NEK1: variants seen among roughly 807,000 people sequenced by gnomAD.
NEK1 encodes NIMA related kinase 1.
NEK1 carries 137 observed loss-of-function variants against 182.1 expected under a neutral mutation model. The ratio of observed to expected loss-of-function variants is 0.75; its 90% CI spans 0.65 to 0.87. The LOEUF is 0.87. Among genes scored for constraint, NEK1 ranks in the 40% least tolerant of loss-of-function variants. The pLI is 0.00. For synonymous variants in NEK1, 513 were observed against 492.2 expected (o/e 1.04, Z -0.56); for missense variants, 1,391 against 1,494.4 (o/e 0.93, Z 1.14).
chr4:169,572,812 T>C (rs942190622), intron 12 of NEK1, among the ~76,000 whole-genome samples: 1 of 152,106 alleles, frequency 6.6e-6, no homozygotes. Flanking sequence ...AAATGACCCA[T>C]GGATTTAATA....
chr4:169,477,790 A>G (rs754750079), intron 24 of NEK1, among the ~76,000 whole-genome samples: 2 of 151,924 alleles, frequency 1.3e-5, no homozygotes, highest in Non-Finnish European at 2.9e-5. Flanking sequence ...TTTTTTGGTA[A>G]TTTAAGTCAG....
chr4:169,541,193 T>G (rs1446869707), intron 18 of NEK1, among the ~76,000 whole-genome samples: 2 of 152,150 alleles, frequency 1.3e-5, no homozygotes, highest in Non-Finnish European at 2.9e-5. Context: ...TTTATTCATT[T>G]AGCTTCCTCT....
Position 169,585,496 on chromosome 4 carries a change from A to G in NEK1, c.660T>C (p.Phe220=). 6.2e-7 allele frequency: 1 copy of G among 1,613,670 alleles called. No individual in the cohort carries two copies. Among genetic ancestry groups the G allele is most frequent in the South Asian group, 1.1e-5 (1 of 91,054 alleles). Residue 220 remains phenylalanine, a synonymous_variant, in exon 10 of 36, where the codon TTT becomes TTC. Transcript: ENST00000507142. ...NLVLKIISGS[F]PPVSLHYSYD... ...AGGAATAATGCAAAGACACAGGTGG[A>G]AAAGATCCAGATATTATCTTCAGTA...
intron 23 of NEK1, among the ~76,000 whole-genome samples, chr4:169,486,247 T>C (rs1207338672): frequency 1.3e-5 from 2 of 152,194 alleles, no homozygotes; most frequent in African/African-American, 4.8e-5. Context: ...ATTGCTTTTA[T>C]TGTCACAAAA....
chr4:169,501,544 TA>T (rs1752425557), intron 23 of NEK1, among the ~76,000 whole-genome samples: 3 of 151,544 alleles, frequency 2.0e-5, no homozygotes, highest in Admixed American at 6.6e-5. Flanking sequence ...GAAATCATAC[TA>T]AGCATCTTCT....
At chr4:169,494,349 T>C (rs1217409696) in intron 23 of NEK1, among the ~76,000 whole-genome samples, 3 of 152,126 alleles carry the variant, frequency 2.0e-5, no homozygotes, top group Non-Finnish European at 2.9e-5. Flanking sequence ...ACATGCAGTG[T>C]TTGGTTTTTG....
chr4:169,430,956 T>C (rs1737316838), intron 29 of NEK1, among the ~76,000 whole-genome samples: 1 of 151,412 alleles, frequency 6.6e-6, no homozygotes, highest in African/African-American at 2.4e-5. Flanking sequence ...AAAAAACCAA[T>C]ACAGCCAATA....
intron 10 of NEK1, among the ~76,000 whole-genome samples, chr4:169,583,543 T>C (rs957197631): frequency 2.6e-5 from 4 of 152,206 alleles, no homozygotes; most frequent in African/African-American, 9.7e-5. Context: ...CTTTTCATAT[T>C]ATAAGTTTGG....
At chr4:169,586,883 T>C (rs891419947) in intron 9 of NEK1, among the ~76,000 whole-genome samples, 6 of 151,978 alleles carry the variant, frequency 3.9e-5, no homozygotes, top group African/African-American at 1.4e-4. Flanking sequence ...ATTTTACAGG[T>C]AGTCAATACT....
intron 19 of NEK1, among the ~76,000 whole-genome samples, chr4:169,532,804 T>C (rs1366151574): frequency 6.9e-6 from 1 of 145,496 alleles, no homozygotes; most frequent in Non-Finnish European, 1.5e-5. Context: ...AAAAAAAAAT[T>C]AGCCGGGCAT....
intron 18 of NEK1, among the ~76,000 whole-genome samples, chr4:169,545,986 G>T (rs994156522): frequency 7.9e-5 from 12 of 152,120 alleles, no homozygotes; most frequent in African/African-American, 2.4e-4. Context: ...CGTGAAAATG[G>T]CCATACTGCC....
At chr4:169,431,201 G>C (rs1226084085) in intron 29 of NEK1, among the ~76,000 whole-genome samples, 2 of 151,998 alleles carry the variant, frequency 1.3e-5, no homozygotes, top group African/African-American at 4.8e-5. Flanking sequence ...ATAAAACTTA[G>C]TCAAAAATAT....
chr4:169,505,729 T>C (rs1753141829), intron 23 of NEK1, among the ~76,000 whole-genome samples: 1 of 152,210 alleles, frequency 6.6e-6, no homozygotes, highest in Admixed American at 6.5e-5. Context: ...TATTTGCCAA[T>C]GATCTAGTTG....
At chr4:169,514,961 G>A (rs972533984) in intron 19 of NEK1, among the ~76,000 whole-genome samples, 2 of 152,086 alleles carry the variant, frequency 1.3e-5, no homozygotes, top group East Asian at 1.9e-4. Flanking sequence ...TCTACTGTCT[G>A]CATTTAGTGC....
At chr4:169,524,497 A>C (rs1392375151) in intron 19 of NEK1, among the ~76,000 whole-genome samples, 1 of 152,110 alleles carries the variant, frequency 6.6e-6, no homozygotes, top group African/African-American at 2.4e-5. Flanking sequence ...TGTTGAATGA[A>C]AAATGTCTCA....
rs867393642 is a variant in NEK1 at position 169,575,167 on chromosome 4, C to T, written c.1020+1761G>A. ...GTGACTGAAGTAAAGAGAGATAAAA[C>T]GATAAGATGGAATTGGCCCACTTAG... On this transcript the variant is annotated intron_variant, in intron 12 of 35. Transcript: ENST00000507142. Among the ~76,000 whole-genome samples, 23 of 152,170 alleles carry T rather than the reference C, an allele frequency of 1.5e-4. 1 individual carries two copies. The highest frequency in any genetic ancestry group is 9.2e-4 in the Admixed American group (14 of 15,286).
intron 27 of NEK1, among the ~76,000 whole-genome samples, chr4:169,452,404 A>G (rs1333581549): frequency 6.6e-6 from 1 of 152,250 alleles, no homozygotes; most frequent in East Asian, 1.9e-4. Flanking sequence ...CGTCGATGCG[A>G]AAATCCTCAG....
intron 16 of NEK1, among the ~76,000 whole-genome samples, chr4:169,557,703 T>G (rs532218867): frequency 6.6e-6 from 1 of 152,144 alleles, no homozygotes; most frequent in African/African-American, 2.4e-5. Context: ...GAGGCTGAGG[T>G]GGGCAGATTG....
At chr4:169,588,970 T>C (rs1382071456) in intron 7 of NEK1, among the ~76,000 whole-genome samples, 1 of 152,164 alleles carries the variant, frequency 6.6e-6, no homozygotes, top group Non-Finnish European at 1.5e-5. Flanking sequence ...AACTCTACAG[T>C]AGCATACAGA....
Sources: gnomAD v4.1 joint callset for allele counts (sites outside exome capture counted in the v4.1 genomes callset) on GRCh38, gnomAD v4.1.1 for gene constraint, MANE v1.5 for transcripts, NCBI Gene and HGNC (gene_info 2026-07-23, HGNC 2026-07-21) for gene names.